The following FAM76B variants were observed in gnomAD, a reference collection of about 807,000 sequenced individuals.
FAM76B encodes the protein protein FAM76B.
In FAM76B, 16 loss-of-function variants were observed where a neutral mutation model predicts 51.8. The ratio of observed to expected loss-of-function variants is 0.31; its 90% CI spans 0.21 to 0.47. The LOEUF is 0.47. Ranked by LOEUF, FAM76B falls within the 20% of genes least tolerant of loss-of-function variation. The pLI is 1.00. For synonymous variants in FAM76B, 166 were observed against 129.5 expected (o/e 1.28, Z -1.91); for missense variants, 342 against 392.6 (o/e 0.87, Z 1.09).
intron 3 of FAM76B, 165 bp from the exon 4 acceptor site, chr11:95,786,439 TTTCTATGC>T (rs1420290475): frequency 1.7e-6 from 1 of 598,862 alleles, no homozygotes; most frequent in Non-Finnish European, 2.8e-6. Flanking sequence ...TTATACCATA[TTTCTATGC>T]ATTCAACTAG....
intron 7 of FAM76B, 188 bp downstream of exon 7, chr11:95,779,419 T>G: frequency 3.4e-6 from 2 of 592,904 alleles, no homozygotes; most frequent in South Asian, 2.5e-5. Flanking sequence ...ACAACATAGT[T>G]CAGTGCCACT....
At chr11:95,788,439 C>G in intron 2 of FAM76B, 60 bp downstream of exon 2, 1 of 1,318,188 alleles carries the variant, frequency 7.6e-7, no homozygotes, top group Non-Finnish European at 1.1e-6. Context: ...TTACAACCCC[C>G]AAGTATTCCA....
chr11:95,789,498 C>G lies in FAM76B; in HGVS notation c.-20G>C. 6.3e-7 allele frequency: 1 copy of G among 1,582,842 alleles called. No homozygotes were observed. The highest frequency in any genetic ancestry group is 8.6e-7 in the Non-Finnish European group (1 of 1,165,242). Reference sequence around the variant, plus strand: ...CGCCATCCTGCTCCTCAGTCTCCTCCTCCGCCGCCGCCCGCTCCGAGGCGG... The same window carrying G: ...CGCCATCCTGCTCCTCAGTCTCCTCGTCCGCCGCCGCCCGCTCCGAGGCGG... On this transcript the variant is annotated 5_prime_UTR_variant, in exon 1 of 10. Coordinates refer to ENST00000358780, the MANE Select transcript of FAM76B (RefSeq NM_144664.5).
chr11:95,789,545 G>T lies in FAM76B; in HGVS notation c.-67C>A. The T allele has an allele frequency of 7.0e-7, 1 of 1,433,334 alleles. No homozygotes were observed. Among genetic ancestry groups the T allele is most frequent in the East Asian group, 2.7e-5 (1 of 37,594 alleles). 88.8% of individuals were successfully genotyped at this position (1,433,334 alleles called of 1,614,324 possible). A position where few individuals can be genotyped will look rare whatever the true frequency, so the allele number is the denominator to read the frequency against. Reference sequence around the variant, plus strand: ...GCGGGGCCCTACGGAGAACCCGAGAGCCGCCGCCGCCCGGGCCGCGGGCTC... The same window carrying T: ...GCGGGGCCCTACGGAGAACCCGAGATCCGCCGCCGCCCGGGCCGCGGGCTC... On this transcript the variant is annotated 5_prime_UTR_variant, in exon 1 of 10. Transcript: ENST00000358780.
chr11:95,789,592 C>T lies in FAM76B; in HGVS notation c.-114G>A. ...GCTCCTCCTCCTCCCCCTCCCCCTG[C>T]CTCGCGCCCACCAGGGCCTCGCCGC... is the stretch of plus-strand genomic sequence containing the variant. On this transcript the variant is annotated 5_prime_UTR_variant, in exon 1 of 10. Coordinates refer to ENST00000358780, the MANE Select transcript of FAM76B (RefSeq NM_144664.5). The T allele has an allele frequency of 2.2e-6, 2 of 900,874 alleles. No individual in the cohort carries two copies. Among genetic ancestry groups the T allele is most frequent in the South Asian group, 1.8e-5 (1 of 57,064 alleles). 55.8% of individuals were successfully genotyped at this position (900,874 alleles called of 1,614,324 possible).
chr11:95,776,601 T>C (rs1860021200), intron 8 of FAM76B, among the ~76,000 whole-genome samples: 2 of 151,038 alleles, frequency 1.3e-5, no homozygotes, highest in South Asian at 4.1e-4. Flanking sequence ...TAACACAGAA[T>C]GAGAAAGGAA....
intron 2 of FAM76B, among the ~76,000 whole-genome samples, chr11:95,787,908 A>C (rs1860690783): frequency 6.6e-6 from 1 of 152,234 alleles, no homozygotes; most frequent in African/African-American, 2.4e-5. Flanking sequence ...AAAACATCTT[A>C]ATGTTTCCTA....
intron 9 of FAM76B, among the ~76,000 whole-genome samples, chr11:95,772,339 A>C (rs1037900368): frequency 6.6e-6 from 1 of 151,130 alleles, no homozygotes; most frequent in African/African-American, 2.4e-5. Context: ...AAGATTCAAA[A>C]TTTCATTTCA....
chr11:95,787,198 A>G (rs1860644687), intron 3 of FAM76B, among the ~76,000 whole-genome samples: 1 of 152,218 alleles, frequency 6.6e-6, no homozygotes, highest in Admixed American at 6.5e-5. Flanking sequence ...AATGTCTTTC[A>G]TAAAATATGG....
In FAM76B at chr11:95,769,596, T is replaced by C. The variant is rs544189544; in HGVS notation, c.*1965A>G. ...AGTTTCTCCAACAAGGTGTAAGAAC[T>C]ATCAAAAAGTAAAACCATAATGACC... On this transcript the variant is annotated 3_prime_UTR_variant, in exon 10 of 10. Transcript: ENST00000358780. 1 of 151,946 alleles carries C rather than the reference T, an allele frequency of 6.6e-6. No individual in the cohort carries two copies. The highest frequency in any genetic ancestry group is 6.6e-5 in the Admixed American group (1 of 15,196). The allele number at this position is 151,946 out of a possible 1,614,324, so 9.4% of individuals were successfully genotyped here.
chr11:95,771,500 T>A lies in FAM76B; in HGVS notation c.*61A>T. On this transcript the variant is annotated 3_prime_UTR_variant, in exon 10 of 10. Coordinates refer to ENST00000358780, the MANE Select transcript of FAM76B (RefSeq NM_144664.5). ...TTCTACTACACAGAATTTAAGGGCT[T>A]CACAGAATTTTTTTTCCCCAAATTT... 1 of 1,389,226 alleles carries A rather than the reference T, an allele frequency of 7.2e-7. No homozygotes were observed. The highest frequency in any genetic ancestry group is 1.0e-6 in the Non-Finnish European group (1 of 987,192). 86.1% of individuals were successfully genotyped at this position (1,389,226 alleles called of 1,614,324 possible). A position where few individuals can be genotyped will look rare whatever the true frequency, so the allele number is the denominator to read the frequency against.
At position 95,778,923 on chromosome 11, in the gene FAM76B, T is replaced by C. The variant is rs763153940; in HGVS notation, c.727A>G (p.Thr243Ala). ...SINQSADSGG[T>A]DNFVLISQLK... Reference sequence around the variant, plus strand: ...TGACTTATAAGGACAAAATTGTCTGTTCCCCCACTATCTGCTGACTGATTT... The same window carrying C: ...TGACTTATAAGGACAAAATTGTCTGCTCCCCCACTATCTGCTGACTGATTT... The change falls in exon 8 of 10, where the codon ACA becomes GCA. Residue 243 changes from threonine to alanine, a missense_variant. This residue lies in a region of FAM76B where 230 missense variants were observed against 257.4 expected (regional missense o/e 0.89). Transcript: ENST00000358780. The C allele has an allele frequency of 4.3e-6, 7 of 1,610,670 alleles. No homozygotes were observed. In the East Asian group the frequency reaches 1.6e-4, roughly 36 times the overall value.
At chr11:95,783,992 C>G (rs948886259) in intron 4 of FAM76B, among the ~76,000 whole-genome samples, 4 of 152,116 alleles carry the variant, frequency 2.6e-5, no homozygotes, top group African/African-American at 9.7e-5. Context: ...TGTTCCTAGG[C>G]TCAAGAAGGT....
intron 7 of FAM76B, 48 bp downstream of exon 7, chr11:95,779,559 T>A: frequency 6.8e-7 from 1 of 1,467,992 alleles, no homozygotes; most frequent in Non-Finnish European, 9.4e-7. Context: ...CAACCATAAC[T>A]ATTCAACTAA....
intron 4 of FAM76B, 44 bp downstream of exon 4, chr11:95,786,075 T>C (rs1241848834): frequency 6.3e-7 from 1 of 1,577,630 alleles, no homozygotes; most frequent in African/African-American, 1.4e-5. Flanking sequence ...TGTTTGGCAT[T>C]TTATTTAATT....
At chr11:95,779,774 C>T in intron 6 of FAM76B, 87 bp from the exon 7 acceptor site, 2 of 1,555,604 alleles carry the variant, frequency 1.3e-6, no homozygotes, top group Non-Finnish European at 8.7e-7. Context: ...TAAAATATTA[C>T]TGAAAATACT....
At chr11:95,786,901 G>A (rs1257898475) in intron 3 of FAM76B, 1 of 152,230 alleles carries the variant, frequency 6.6e-6, no homozygotes, top group African/African-American at 2.4e-5. Flanking sequence ...AATGATTGTA[G>A]TATACATATA....
intron 9 of FAM76B, among the ~76,000 whole-genome samples, chr11:95,772,227 C>T (rs1859798283): frequency 6.6e-6 from 1 of 151,040 alleles, no homozygotes; most frequent in Non-Finnish European, 1.5e-5. Flanking sequence ...CACTCATTAT[C>T]TTGTTGTTCC....
Position 95,789,591 on chromosome 11 carries a change from G to T in FAM76B, c.-113C>A. On this transcript the variant is annotated 5_prime_UTR_variant, in exon 1 of 10. Coordinates refer to ENST00000358780, the MANE Select transcript of FAM76B (RefSeq NM_144664.5). ...GGCTCCTCCTCCTCCCCCTCCCCCT[G>T]CCTCGCGCCCACCAGGGCCTCGCCG... The T allele has an allele frequency of 1.1e-6, 1 of 905,414 alleles. No homozygotes were observed. The highest frequency in any genetic ancestry group is 1.6e-6 in the Non-Finnish European group (1 of 619,066). The allele number at this position is 905,414 out of a possible 1,614,324, so 56.1% of individuals were successfully genotyped here. A position where few individuals can be genotyped will look rare whatever the true frequency, so the allele number is the denominator to read the frequency against.
Sources: gnomAD v4.1 joint callset for allele counts (sites outside exome capture counted in the v4.1 genomes callset) on GRCh38, gnomAD v4.1.1 for gene constraint, gnomAD v4.1.1 regional missense constraint, MANE v1.5 for transcripts, NCBI Gene and HGNC (gene_info 2026-07-23, HGNC 2026-07-21) for gene names.